NAA38: variants seen among roughly 807,000 people sequenced by gnomAD.
NAA38 encodes the protein LSM domain containing 1.
In NAA38, 15 loss-of-function variants were observed where a neutral mutation model predicts 12.6. The ratio of observed to expected loss-of-function variants is 1.19; its 90% confidence interval spans 0.79 to 1.83. The LOEUF (loss-of-function observed/expected upper bound fraction) is 1.83. Among genes scored for constraint, NAA38 ranks in the 40% most tolerant of loss-of-function variants. The pLI is 0.00. For missense variants in NAA38, 183 were observed against 171.7 expected (o/e 1.07, Z -0.37); for synonymous variants, 88 against 69.9 (o/e 1.26, Z -1.29).
chr17:7,858,578 C>T, upstream of NAA38: 1 of 1,608,842 alleles, frequency 6.2e-7, no homozygotes, highest in African/African-American at 1.3e-5. Flanking sequence ...GCTGCTCTGA[C>T]ACCCTCGCCC....
rs182182732 is a variant in NAA38 at position 7,882,182 on chromosome 17, C to A, written c.-66+1053G>T. 6.6e-5 allele frequency among the ~76,000 whole-genome samples: 10 copies of A among 152,208 alleles called. No homozygotes were observed. In the East Asian group the frequency reaches 1.9e-3, roughly 29 times the overall value. On this transcript the variant is annotated intron_variant, in intron 2 of 4. Coordinates refer to the NAA38 transcript ENST00000576861. ...ATGCACACGGCCACCTTTAGCCACCCGCACCTGCAGATCATGGCACATGTG... is the reference window on the plus strand; with the variant it reads ...ATGCACACGGCCACCTTTAGCCACCAGCACCTGCAGATCATGGCACATGTG...
intron 2 of NAA38, among the ~76,000 whole-genome samples, chr17:7,871,951 G>A (rs778223605): frequency 1.3e-5 from 2 of 152,272 alleles, no homozygotes; most frequent in South Asian, 4.1e-4. Context: ...CACCAAGCCT[G>A]TCCTTACAAT....
chr17:7,878,957 CAT>C (rs147645180), intron 2 of NAA38, among the ~76,000 whole-genome samples: 2,268 of 150,864 alleles, frequency 0.015, 51 homozygotes, highest in African/African-American at 0.052. Context: ...TAATATGTAA[CAT>C]AATTTATAAC....
At chr17:7,862,820 T>C (rs577561853), upstream of NAA38, 7 of 150,624 alleles carry the variant, frequency 4.6e-5, no homozygotes, top group African/African-American at 1.7e-4. Flanking sequence ...CATTTCCCCA[T>C]ATGGCCACCA....
rs373193990 is a variant in NAA38, at chr17:7,881,361, G to C, written c.-66+1874C>G. Reference sequence around the variant, plus strand: ...CAGACAGCAAAAAGGCAGGAAGGCAGCGAGAGACTGGGAAAATGGCAAAAA... The same window carrying C: ...CAGACAGCAAAAAGGCAGGAAGGCACCGAGAGACTGGGAAAATGGCAAAAA... On this transcript the variant is annotated intron_variant, in intron 2 of 4. Transcript: ENST00000576861. Among the ~76,000 whole-genome samples, 72 of 152,240 alleles carry C rather than the reference G, an allele frequency of 4.7e-4. 1 individual carries two copies. Among genetic ancestry groups the C allele is most frequent in the African/African-American group, 1.6e-3 (66 of 41,540 alleles).
At chr17:7,867,183 C>T (rs918372359) in intron 2 of NAA38, among the ~76,000 whole-genome samples, 1 of 151,426 alleles carries the variant, frequency 6.6e-6, no homozygotes, top group East Asian at 2.0e-4. Flanking sequence ...AAGAGGAAAG[C>T]GGGAGGCGGG....
chr17:7,884,455 T>C (rs1278279123), intron 1 of NAA38, among the ~76,000 whole-genome samples: 1 of 62,702 alleles, frequency 1.6e-5, no homozygotes, highest in African/African-American at 3.6e-5. Context: ...TTTATATATA[T>C]ACATATATAT....
At chr17:7,872,287 A>G (rs534142168) in intron 2 of NAA38, among the ~76,000 whole-genome samples, 2 of 152,328 alleles carry the variant, frequency 1.3e-5, no homozygotes, top group Admixed American at 1.3e-4. Flanking sequence ...AAGATCAGGA[A>G]AATATTCACC....
intron 2 of NAA38, among the ~76,000 whole-genome samples, chr17:7,878,821 A>T (rs1187466795): frequency 6.6e-6 from 1 of 151,984 alleles, no homozygotes; most frequent in African/African-American, 2.4e-5. Context: ...ATAAAAAGTC[A>T]TTTTCTTATT....
upstream of NAA38, chr17:7,858,392 C>T: frequency 1.2e-6 from 2 of 1,614,070 alleles, no homozygotes; most frequent in Non-Finnish European, 8.5e-7. Flanking sequence ...GGCTGTGCTG[C>T]TCTTTTCAAG....
At chr17:7,884,309 AG>A (rs1262593452) in intron 1 of NAA38, among the ~76,000 whole-genome samples, 4 of 133,142 alleles carry the variant, frequency 3.0e-5, no homozygotes, top group South Asian at 2.6e-4. Flanking sequence ...GCGGTGCTGG[AG>A]GGGGGGTTGT....
At position 7,857,433 on chromosome 17, in the gene NAA38, G is replaced by A; in HGVS notation, c.31C>T (p.Arg11Ter). The A allele has an allele frequency of 6.3e-7, 1 of 1,584,948 alleles. No homozygotes were observed. The highest frequency in any genetic ancestry group is 8.6e-7 in the Non-Finnish European group (1 of 1,167,490). Residue 11 changes from arginine to a stop codon, truncating the protein, a stop_gained, in exon 1 of 3, where the codon CGA (arginine) becomes TGA (stop). Transcript: ENST00000575771. LOFTEE classifies it high-confidence loss of function. MAGAGPTMLL[R>*]EENGCCSRRQ... Reference sequence around the variant, plus strand: ...CGACTGCAACAGCCATTCTCTTCTCGTAGCAGCATGGTCGGTCCAGCTCCG... The same window carrying A: ...CGACTGCAACAGCCATTCTCTTCTCATAGCAGCATGGTCGGTCCAGCTCCG...
chr17:7,867,190 C>CG (rs1048113376), intron 2 of NAA38, among the ~76,000 whole-genome samples: 52 of 150,752 alleles, frequency 3.4e-4, no homozygotes, highest in African/African-American at 1.2e-3. Flanking sequence ...AAGCGGGAGG[C>CG]GGGGGAGGGA....
upstream of NAA38, chr17:7,862,378 T>C (rs1212446982): frequency 6.6e-6 from 1 of 152,212 alleles, no homozygotes; most frequent in Non-Finnish European, 1.5e-5. Flanking sequence ...GTTCCTGTGC[T>C]ATAGTCTCTA....
At chr17:7,873,326 C>A (rs989089374) in intron 2 of NAA38, among the ~76,000 whole-genome samples, 4 of 152,042 alleles carry the variant, frequency 2.6e-5, no homozygotes, top group Non-Finnish European at 5.9e-5. Context: ...CAAGCAAATT[C>A]TTTTTTTCAA....
chr17:7,875,342 G>GT (rs376293055), intron 2 of NAA38, among the ~76,000 whole-genome samples: 40 of 147,610 alleles, frequency 2.7e-4, no homozygotes, highest in South Asian at 2.4e-3. Flanking sequence ...GGTTTGTACT[G>GT]TTTTTTTTTT....
At chr17:7,857,664 CG>C (rs563252091), upstream of NAA38, 3,285 of 1,336,540 alleles carry the variant, frequency 2.5e-3, 5 homozygotes, top group Non-Finnish European at 2.8e-3. Flanking sequence ...CGTACTACGC[CG>C]GATGTCTTAA....
rs769031172 is a variant in NAA38 at position 7,856,692 on chromosome 17, A to G, written c.*39T>C. ...CACACAGACACAGGCCCATTCGGTC[A>G]TAAGTTTAATGAAGTCTGAAAGGTA... On this transcript the variant is annotated 3_prime_UTR_variant, in exon 3 of 3. Coordinates refer to ENST00000575771, the MANE Select transcript of NAA38 (RefSeq NM_001320925.4). 18 of 1,541,522 alleles carry G rather than the reference A, an allele frequency of 1.2e-5. No homozygotes were observed. The East Asian group carries it at 1.3e-4, about 12-fold the overall frequency.
chr17:7,857,845 C>T (rs140836307), upstream of NAA38: 3,402 of 1,365,666 alleles, frequency 2.5e-3, 36 homozygotes, highest in East Asian at 0.013. Context: ...GGAGCGTATT[C>T]GTTCTCTGCC....
Sources: gnomAD v4.1 joint callset for allele counts (sites outside exome capture counted in the v4.1 genomes callset) on GRCh38, gnomAD v4.1.1 for gene constraint, MANE v1.5 for transcripts, NCBI Gene and HGNC (gene_info 2026-07-23, HGNC 2026-07-21) for gene names.